ZBTB20: variants seen among roughly 807,000 people sequenced by gnomAD.
ZBTB20 encodes zinc finger and BTB domain-containing protein 20.
ZBTB20 carries 9 observed loss-of-function variants against 56.9 expected under a neutral mutation model. The observed-to-expected ratio is 0.16, with a 90% CI of 0.10 to 0.28. ZBTB20 has a LOEUF of 0.28. Among genes scored for constraint, ZBTB20 ranks in the 10% least tolerant of loss-of-function variants. The probability of loss-of-function intolerance (pLI) is 1.00; values close to 1 mark genes in which losing one functional copy is unlikely to be tolerated. For missense variants in ZBTB20, 655 were observed against 1,003.0 expected, an observed-to-expected ratio of 0.65 and a Z score of 4.69; for synonymous variants, 417 against 420.7, an observed-to-expected ratio of 0.99 and a Z score of 0.11.
chr3:114,390,456 T>C (rs1050107475), intron 7 of ZBTB20, among the ~76,000 whole-genome samples: 2 of 152,196 alleles, frequency 1.3e-5, no homozygotes, highest in Non-Finnish European at 2.9e-5. Flanking sequence ...CTCCATTTTC[T>C]TCCATAGGCT....
At chr3:114,459,939 T>A (rs966219316) in intron 7 of ZBTB20, among the ~76,000 whole-genome samples, 13 of 152,032 alleles carry the variant, frequency 8.6e-5, no homozygotes, top group African/African-American at 2.9e-4. Flanking sequence ...TAAATGCCAT[T>A]TAGGAACAGC....
intron 5 of ZBTB20, among the ~76,000 whole-genome samples, chr3:114,773,471 T>C (rs1055764401): frequency 1.3e-5 from 2 of 152,192 alleles, no homozygotes; most frequent in Admixed American, 6.6e-5. Context: ...TTTTCCCCGA[T>C]ATTCCTTCTT....
chr3:114,907,822 A>C (rs983780762), intron 3 of ZBTB20, among the ~76,000 whole-genome samples: 2 of 151,954 alleles, frequency 1.3e-5, no homozygotes, highest in African/African-American at 4.8e-5. Context: ...AAATAGATGG[A>C]AATTTCTGAT....
chr3:114,838,189 T>G (rs578143856), intron 4 of ZBTB20, among the ~76,000 whole-genome samples: 1 of 152,328 alleles, frequency 6.6e-6, no homozygotes, highest in African/African-American at 2.4e-5. Flanking sequence ...TGTTAGCTAT[T>G]ATCTATTCTT....
intron 5 of ZBTB20, among the ~76,000 whole-genome samples, chr3:114,750,993 T>C (rs1261278448): frequency 6.6e-6 from 1 of 152,194 alleles, no homozygotes; most frequent in African/African-American, 2.4e-5. Flanking sequence ...AGTTTTAGAT[T>C]TTTGAACTGC....
At chr3:115,090,077 T>C (rs1285070614) in intron 1 of ZBTB20, among the ~76,000 whole-genome samples, 3 of 151,796 alleles carry the variant, frequency 2.0e-5, no homozygotes, top group African/African-American at 4.8e-5. Flanking sequence ...GAAGCCCAAA[T>C]ACCAGTCTAG....
chr3:115,107,224 A>T (rs1285797533), intron 1 of ZBTB20, among the ~76,000 whole-genome samples: 1 of 152,094 alleles, frequency 6.6e-6, no homozygotes, highest in East Asian at 1.9e-4. Context: ...TCTAGGAGTT[A>T]GAGACCAGCC....
At chr3:114,679,291 A>C (rs554272030) in intron 6 of ZBTB20, among the ~76,000 whole-genome samples, 3 of 152,348 alleles carry the variant, frequency 2.0e-5, no homozygotes, top group Admixed American at 2.0e-4. Flanking sequence ...AATGGGATCT[A>C]ATTAAACTAA....
intron 6 of ZBTB20, among the ~76,000 whole-genome samples, chr3:114,612,289 G>T (rs2057619636): frequency 6.6e-6 from 1 of 152,068 alleles, no homozygotes; most frequent in Non-Finnish European, 1.5e-5. Flanking sequence ...GCTCATGTTG[G>T]TGCATAATGG....
At chr3:114,978,592 C>G (rs1196049815) in intron 2 of ZBTB20, among the ~76,000 whole-genome samples, 1 of 151,356 alleles carries the variant, frequency 6.6e-6, no homozygotes, top group African/African-American at 2.4e-5. Flanking sequence ...AATAATTTTT[C>G]TCTATATAAT....
intron 4 of ZBTB20, among the ~76,000 whole-genome samples, chr3:114,865,782 T>C (rs1011376156): frequency 2.0e-5 from 3 of 152,216 alleles, no homozygotes; most frequent in South Asian, 4.1e-4. Flanking sequence ...TCTTAAATTA[T>C]ATCATTTAAA....
rs1249653437 is a variant in ZBTB20, at chr3:114,328,704, C to T, written c.*10301G>A. The T allele has an allele frequency of 6.6e-6, 1 of 152,100 alleles. No homozygotes were observed. Among genetic ancestry groups the T allele is most frequent in the Non-Finnish European group, 1.5e-5 (1 of 68,006 alleles). 9.4% of individuals were successfully genotyped at this position (152,100 alleles called of 1,614,324 possible). On this transcript the variant is annotated 3_prime_UTR_variant, in exon 12 of 12. Coordinates refer to ENST00000675478, the MANE Select transcript of ZBTB20 (RefSeq NM_001348800.3). ...TGCCTACGAGTCTCAAGTTTATGAA[C>T]TCACTCACTTTAGTGTTCTTTCATT...
chr3:114,679,361 G>C (rs377653542), intron 6 of ZBTB20, among the ~76,000 whole-genome samples: 1 of 152,152 alleles, frequency 6.6e-6, no homozygotes, highest in East Asian at 1.9e-4. Flanking sequence ...TACAAAATGG[G>C]AGAAAATGTT....
chr3:114,553,548 A>G (rs912640963), intron 6 of ZBTB20, among the ~76,000 whole-genome samples: 1 of 152,170 alleles, frequency 6.6e-6, no homozygotes, highest in Non-Finnish European at 1.5e-5. Flanking sequence ...CAGTCTTATT[A>G]TTAGCCAGGT....
chr3:114,837,186 C>T (rs1447189978), intron 4 of ZBTB20, among the ~76,000 whole-genome samples: 1 of 152,142 alleles, frequency 6.6e-6, no homozygotes, highest in African/African-American at 2.4e-5. Context: ...CAAAGCATCC[C>T]CAATTCATTC....
chr3:114,371,254 A>T (rs1346158078), intron 10 of ZBTB20, among the ~76,000 whole-genome samples: 2 of 152,190 alleles, frequency 1.3e-5, no homozygotes, highest in Admixed American at 6.5e-5. Context: ...TAACTGGATT[A>T]AAATATACTT....
chr3:114,754,203 A>G (rs2067826605), intron 5 of ZBTB20, among the ~76,000 whole-genome samples: 1 of 152,162 alleles, frequency 6.6e-6, no homozygotes, highest in Non-Finnish European at 1.5e-5. Flanking sequence ...AGCATCTTTT[A>G]CAGGCCAGCT....
chr3:114,315,573 G>GTGTGTGTT lies in ZBTB20; in HGVS notation c.*23431_*23432insAACACACA, dbSNP rs896044721. The GTGTGTGTT allele has an allele frequency of 4.3e-5, 6 of 140,472 alleles. No homozygotes were observed. The highest frequency in any genetic ancestry group is 7.4e-5 in the Non-Finnish European group (5 of 67,130). 8.7% of individuals were successfully genotyped at this position (140,472 alleles called of 1,614,324 possible). A position where few individuals can be genotyped will look rare whatever the true frequency, so the allele number is the denominator to read the frequency against. On this transcript the variant is annotated 3_prime_UTR_variant, in exon 12 of 12. Transcript: ENST00000675478. ...TATTTTAGGTCTAAACATACAGTGT[G>GTGTGTGTT]TGTGTGTGTGTGTGTGTGTGTGTGT...
intron 7 of ZBTB20, among the ~76,000 whole-genome samples, chr3:114,396,495 G>C (rs922793864): frequency 3.3e-5 from 5 of 152,076 alleles, no homozygotes; most frequent in Admixed American, 6.6e-5. Flanking sequence ...CTTTGAAGTT[G>C]GGAATTATAT....
Sources: allele counts gnomAD v4.1 joint callset (sites outside exome capture counted in the v4.1 genomes callset), GRCh38; gene constraint gnomAD v4.1.1; transcripts MANE v1.5; gene names NCBI Gene and HGNC (gene_info 2026-07-23, HGNC 2026-07-21).